The following TUSC3 variants were observed in gnomAD, a reference collection of about 807,000 sequenced individuals.
The protein encoded by TUSC3 is dolichyl-diphosphooligosaccharide--protein glycosyltransferase subunit TUSC3.
In TUSC3, 45 loss-of-function variants were observed where a neutral mutation model predicts 44.8. The observed-to-expected ratio is 1.00, with a 90% CI of 0.79 to 1.29. The LOEUF (loss-of-function observed/expected upper bound fraction) is 1.29. Ranked by LOEUF, TUSC3 falls within the 50% of genes most tolerant of loss-of-function variation. The probability of loss-of-function intolerance (pLI) is 0.00; values close to 1 mark genes in which losing one functional copy is unlikely to be tolerated. For missense variants in TUSC3, 519 were observed against 437.9 expected (o/e 1.19, Z -1.65); for synonymous variants, 212 against 152.9 (o/e 1.39, Z -2.85).
intron 2 of TUSC3, among the ~76,000 whole-genome samples, chr8:15,636,698 C>T (rs1383364084): frequency 6.6e-6 from 1 of 152,128 alleles, no homozygotes; most frequent in East Asian, 1.9e-4. Flanking sequence ...TGCATTGTTT[C>T]CTTTTCAGAG....
In TUSC3 at chr8:15,459,244, C is replaced by T. The variant is rs115265139; in HGVS notation, n.92-24142C>T. Among the ~76,000 whole-genome samples the T allele has an allele frequency of 4.4e-3, 675 of 152,164 alleles. 5 individuals are homozygous for T. Among genetic ancestry groups the T allele is most frequent in the African/African-American group, 0.011 (472 of 41,498 alleles). On this transcript the variant is annotated intron_variant and non_coding_transcript_variant, in intron 1 of 5. Coordinates refer to the TUSC3 transcript ENST00000503191. ...CACTGAATTAATATTAGTTTATATCCAATAATGGTGTTGACTGTCTAGTTC... is the reference window on the plus strand; with the variant it reads ...CACTGAATTAATATTAGTTTATATCTAATAATGGTGTTGACTGTCTAGTTC...
intron 1 of TUSC3, among the ~76,000 whole-genome samples, chr8:15,618,241 G>T (rs1324871047): frequency 6.6e-6 from 1 of 152,104 alleles, no homozygotes; most frequent in Non-Finnish European, 1.5e-5. Flanking sequence ...TTTATCGAAA[G>T]ATTTTTCTTT....
At chr8:15,751,575 T>A (rs1355537624) in intron 9 of TUSC3, among the ~76,000 whole-genome samples, 1 of 152,184 alleles carries the variant, frequency 6.6e-6, no homozygotes, top group African/African-American at 2.4e-5. Context: ...AAGTAGAACT[T>A]TGAAGCCAGT....
chr8:15,557,026 A>G (rs2129138743), intron 1 of TUSC3, among the ~76,000 whole-genome samples: 1 of 136,916 alleles, frequency 7.3e-6, no homozygotes, highest in Admixed American at 7.5e-5. Flanking sequence ...CCATTTGTCA[A>G]TTTTGGCTTT....
intron 1 of TUSC3, among the ~76,000 whole-genome samples, chr8:15,436,858 A>G (rs1047906687): frequency 6.6e-6 from 1 of 152,192 alleles, no homozygotes; most frequent in Non-Finnish European, 1.5e-5. Context: ...AGTCTGAAGT[A>G]TAACCCAGGT....
At chr8:15,734,745 A>T (rs1039761708) in intron 7 of TUSC3, among the ~76,000 whole-genome samples, 2 of 152,178 alleles carry the variant, frequency 1.3e-5, no homozygotes, top group African/African-American at 4.8e-5. Context: ...CTGGATATTG[A>T]AGTATAAAAA....
chr8:15,607,183 A>G (rs1804567189), intron 1 of TUSC3, among the ~76,000 whole-genome samples: 1 of 152,040 alleles, frequency 6.6e-6, no homozygotes, highest in South Asian at 2.1e-4. Flanking sequence ...TGGACCAGAA[A>G]AGAGCTGTGT....
chr8:15,442,789 C>A (rs1384795124), intron 1 of TUSC3, among the ~76,000 whole-genome samples: 1 of 152,122 alleles, frequency 6.6e-6, no homozygotes. Flanking sequence ...AAACTTTAGT[C>A]AGGCTCCTCT....
intron 6 of TUSC3, among the ~76,000 whole-genome samples, chr8:15,727,272 T>G (rs1371756089): frequency 6.6e-6 from 1 of 152,204 alleles, no homozygotes; most frequent in Admixed American, 6.5e-5. Context: ...AGGTCAATCC[T>G]TAAGACTTTT....
chr8:15,795,247 A>G, the TUSC3 span, among the ~76,000 whole-genome samples: 4 of 152,134 alleles, frequency 2.6e-5, no homozygotes, highest in African/African-American at 4.8e-5. Flanking sequence ...GTATAGCAGG[A>G]TGCATTAGCA....
intron 6 of TUSC3, among the ~76,000 whole-genome samples, chr8:15,701,349 A>G (rs142096519): frequency 0.017 from 2,524 of 152,242 alleles, 24 homozygotes; most frequent in Middle Eastern, 0.027. Flanking sequence ...AATGAATCAC[A>G]TAGTATGTGT....
chr8:15,633,096 G>T (rs557954427), intron 2 of TUSC3, among the ~76,000 whole-genome samples: 4 of 152,242 alleles, frequency 2.6e-5, no homozygotes, highest in African/African-American at 9.6e-5. Context: ...CTGTGGGGAT[G>T]TGTGTGTGTA....
At chr8:15,788,286 T>C in the TUSC3 span, among the ~76,000 whole-genome samples, 1 of 152,098 alleles carries the variant, frequency 6.6e-6, no homozygotes, top group Non-Finnish European at 1.5e-5. Context: ...TTAAATTTTA[T>C]CTGTAATCCC....
chr8:15,460,119 T>G (rs1257282366), intron 1 of TUSC3, among the ~76,000 whole-genome samples: 1 of 152,180 alleles, frequency 6.6e-6, no homozygotes, highest in Admixed American at 6.5e-5. Flanking sequence ...CCACACTGTT[T>G]TCCACAGTGG....
chr8:15,694,627 T>C (rs867444958), intron 6 of TUSC3, among the ~76,000 whole-genome samples: 1 of 152,188 alleles, frequency 6.6e-6, no homozygotes, highest in Admixed American at 6.5e-5. Context: ...TCCGCTTTGA[T>C]ATCCTTGGGG....
intron 1 of TUSC3, among the ~76,000 whole-genome samples, chr8:15,441,431 C>G (rs750765516): frequency 6.6e-6 from 1 of 152,116 alleles, no homozygotes; most frequent in Non-Finnish European, 1.5e-5. Flanking sequence ...TAAATGAGAT[C>G]TGTCATTATA....
At position 15,727,651 on chromosome 8, in the gene TUSC3, A is replaced by T. The variant is rs932491865; in HGVS notation, c.799-3015A>T. 6.6e-5 allele frequency among the ~76,000 whole-genome samples: 10 copies of T among 152,208 alleles called. No individual in the cohort carries two copies. The East Asian group carries it at 1.7e-3, about 26-fold the overall frequency. ...CTGAATATTATATTTTAAAACTATC[A>T]GTTCAGCACACTAAGTTCACTTGTG... On this transcript the variant is annotated intron_variant, in intron 6 of 10. Coordinates refer to ENST00000503731, the MANE Select transcript of TUSC3 (RefSeq NM_006765.4).
intron 2 of TUSC3, among the ~76,000 whole-genome samples, chr8:15,641,520 C>G (rs1806371686): frequency 6.6e-6 from 1 of 152,086 alleles, no homozygotes. Flanking sequence ...TCTGAAAATG[C>G]AAATAGTCAA....
the TUSC3 span, among the ~76,000 whole-genome samples, chr8:15,818,921 T>C: frequency 3.3e-5 from 5 of 152,196 alleles, no homozygotes; most frequent in South Asian, 2.1e-4. Context: ...CAAGTCAATA[T>C]TGACAAATTC....
Sources: gnomAD v4.1 joint callset for allele counts (sites outside exome capture counted in the v4.1 genomes callset) on GRCh38, gnomAD v4.1.1 for gene constraint, MANE v1.5 for transcripts, NCBI Gene and HGNC (gene_info 2026-07-23, HGNC 2026-07-21) for gene names.